Variants in SALL1 observed in about 807,000 individuals in gnomAD.
SALL1 encodes sal-like protein 1.
A neutral mutation model predicts 73.1 loss-of-function variants in SALL1; 10 were observed. The ratio of observed to expected loss-of-function variants is 0.14; its 90% CI spans 0.08 to 0.23. The LOEUF is 0.23. Ranked by LOEUF, SALL1 falls within the 10% of genes least tolerant of loss-of-function variation. The probability of loss-of-function intolerance (pLI) is 1.00; values close to 1 mark genes in which losing one functional copy is unlikely to be tolerated. For missense variants in SALL1, 1,520 were observed against 1,697.3 expected (o/e 0.90, Z 1.84); for synonymous variants, 688 against 689.8 (o/e 1.00, Z 0.04).
At position 51,139,210 on chromosome 16, in the gene SALL1, G is replaced by A; in HGVS notation, c.3012C>T (p.Asp1004=). ...GACAAGCAAATGTTTTGCCACAAAT[G>A]TCACAAGCAGTGTTTTTAAATTTAC... ...DRGKFKNTAC[D]ICGKTFACQS... The change falls in exon 2 of 3, where the codon GAC becomes GAT. Residue 1004 remains aspartate (D), a synonymous_variant. Transcript: ENST00000251020. The A allele has an allele frequency of 6.2e-7, 1 of 1,614,218 alleles. No individual in the cohort carries two copies. The highest frequency in any genetic ancestry group is 2.2e-5 in the East Asian group (1 of 44,888).
chr16:51,138,983 G>A lies in SALL1; in HGVS notation c.3239C>T (p.Ser1080Leu), dbSNP rs144225643. The A allele has an allele frequency of 1.5e-5, 24 of 1,614,030 alleles. No homozygotes were observed. The East Asian group carries it at 2.9e-4, about 19-fold the overall frequency. ...CTCTGTCTTGATGAGAGATGACAAC[G>A]AGTTGGCGGGAATCACCGCTGAGTT... The part of the protein sequence containing the change: ...NQNSAVIPAN[S>L]LSSLIKTEVN... The change falls in exon 2 of 3, where the codon TCG (serine) becomes TTG (leucine). Residue 1080 changes from serine to leucine, a missense_variant. Ser to Leu is a moderately radical substitution (Grantham distance 145). Around this residue, in one of 7 missense-constraint regions of SALL1, gnomAD observed 318 missense variants for 357.1 expected, o/e 0.89. Coordinates refer to ENST00000251020, the MANE Select transcript of SALL1 (RefSeq NM_002968.3).
chr16:51,150,751 C>T (rs1037371010), intron 1 of SALL1: 11 of 272,908 alleles, frequency 4.0e-5, no homozygotes, highest in Non-Finnish European at 5.1e-5. Context: ...GCCGGGTGCC[C>T]TGGGGCCGGC....
In SALL1 at chr16:51,136,114, TG is replaced by T. The variant is rs1441842098; in HGVS notation, c.*997del. 3.9e-5 allele frequency: 6 copies of T among 152,660 alleles called. No individual in the cohort carries two copies. Among genetic ancestry groups the T allele is most frequent in the African/African-American group, 1.4e-4 (6 of 41,456 alleles). The allele number at this position is 152,660 out of a possible 1,614,324, so 9.5% of individuals were successfully genotyped here. Reference sequence around the variant, plus strand: ...CCTTTCAACTTTCCAAGAAAGTGCATGTAACAGTCCAATTTTTTTCTTCCAT... The same window carrying T: ...CCTTTCAACTTTCCAAGAAAGTGCATTAACAGTCCAATTTTTTTCTTCCAT... On this transcript the variant is annotated 3_prime_UTR_variant, in exon 3 of 3. Coordinates refer to ENST00000251020, the MANE Select transcript of SALL1 (RefSeq NM_002968.3).
chr16:51,142,838 T>C (rs1962464297), intron 1 of SALL1, among the ~76,000 whole-genome samples: 1 of 152,190 alleles, frequency 6.6e-6, no homozygotes, highest in Non-Finnish European at 1.5e-5. Context: ...TCCTAATCCA[T>C]TACAAGGCTT....
At position 51,140,187 on chromosome 16, in the gene SALL1, G is replaced by T; in HGVS notation, c.2035C>A (p.Leu679Ile). ...TCTGATGCCTGAGCTGAGTCCAGGAGTCCCCCAAAAGGAAACTTGGCCTTG... is the reference window on the plus strand; with the variant it reads ...TCTGATGCCTGAGCTGAGTCCAGGATTCCCCCAAAAGGAAACTTGGCCTTG... ...QFKAKFPFGG[L>I]LDSAQASETS... Residue 679 changes from leucine (L) to isoleucine (I), a missense_variant, in exon 2 of 3, where the codon CTC (leucine) becomes ATC (isoleucine). Leu to Ile is a conservative substitution (Grantham distance 5). Transcript: ENST00000251020. The surrounding 1 kb of genome is among the most constrained non-coding windows in gnomAD (Gnocchi z 5.7). The T allele has an allele frequency of 6.2e-7, 1 of 1,614,188 alleles. No individual in the cohort carries two copies. Among genetic ancestry groups the T allele is most frequent in the Non-Finnish European group, 8.5e-7 (1 of 1,180,038 alleles).
Position 51,141,287 on chromosome 16 carries a change from C to A in SALL1, c.935G>T (p.Gly312Val). 6.2e-7 allele frequency: 1 copy of A among 1,614,096 alleles called. No homozygotes were observed. The change falls in exon 2 of 3, where the codon GGT becomes GTT. Residue 312 changes from glycine to valine, a missense_variant. Around this residue, in one of 7 missense-constraint regions of SALL1, gnomAD observed 540 missense variants for 567.5 expected, o/e 0.95. Coordinates refer to ENST00000251020, the MANE Select transcript of SALL1 (RefSeq NM_002968.3). This position sits in a 1 kb window ranked among gnomAD's most constrained non-coding sequence, Gnocchi z 5.4. ...SLASQSASIS[G>V]VKQLPPIQLP... is the part of the protein sequence containing the mutation. The stretch of plus-strand genomic sequence containing the variant: ...CTGGATTGGGGGTAGCTGTTTCACA[C>A]CACTAATGCTGGCAGATTGGCTGGC...
At position 51,151,246 on chromosome 16, in the gene SALL1, G is replaced by A; in HGVS notation, c.-5C>T. 6.3e-7 allele frequency: 1 copy of A among 1,594,672 alleles called. No homozygotes were observed. On this transcript the variant is annotated 5_prime_UTR_variant, in exon 1 of 3. Coordinates refer to ENST00000251020, the MANE Select transcript of SALL1 (RefSeq NM_002968.3). The stretch of plus-strand genomic sequence containing the variant: ...CGCTTGCTTCCTCCGCGACATGCTG[G>A]CTCAAACATCAGCTGGGGCAGAATA...
Position 51,141,665 on chromosome 16 carries a change from C to T in SALL1, c.557G>A (p.Gly186Asp). Residue 186 changes from glycine (G) to aspartate (D), a missense_variant, in exon 2 of 3, where the codon GGC becomes GAC. By Grantham distance (94) the Gly-to-Asp change is moderately conservative (BLOSUM62 -1). This residue lies in a region of SALL1 where 540 missense variants were observed against 567.5 expected (regional missense o/e 0.95). Transcript: ENST00000251020. The surrounding 1 kb of genome is among the most constrained non-coding windows in gnomAD (Gnocchi z 5.4). ...LPQLGDLTTLGNFSVINSNVI... is the reference protein window; with the variant it reads ...LPQLGDLTTLDNFSVINSNVI... ...GTTGCTGTTGATTACGGAGAAGTTGCCCAGTGTTGTCAGGTCCCCGAGTTG... is the reference window on the plus strand; with the variant it reads ...GTTGCTGTTGATTACGGAGAAGTTGTCCAGTGTTGTCAGGTCCCCGAGTTG... 3 of 1,613,508 alleles carry T rather than the reference C, an allele frequency of 1.9e-6. No individual in the cohort carries two copies. Among genetic ancestry groups the T allele is most frequent in the Admixed American group, 1.7e-5 (1 of 60,018 alleles).
intron 1 of SALL1, chr16:51,143,549 C>T (rs1962475085): frequency 6.3e-6 from 1 of 159,996 alleles, no homozygotes. Flanking sequence ...AAAGTAATTG[C>T]AGATATGAAT....
Position 51,142,057 on chromosome 16 carries a change from T to C in SALL1, c.165A>G (p.Leu55=). 1 of 1,614,102 alleles carries C rather than the reference T, an allele frequency of 6.2e-7. No homozygotes were observed. Among genetic ancestry groups the C allele is most frequent in the Non-Finnish European group, 8.5e-7 (1 of 1,180,022 alleles). The change falls in exon 2 of 3, where the codon TTA becomes TTG. Residue 55 remains leucine (L), a synonymous_variant. Coordinates refer to ENST00000251020, the MANE Select transcript of SALL1 (RefSeq NM_002968.3). ...CGRCCAEFFE[L]SDLLLHKKNC... is the part of the protein sequence containing the mutation. ...TCTTCTTGTGGAGCAGAAGATCTGA[T>C]AATTCAAAGAACTCGGCACAGCACC... is the stretch of plus-strand genomic sequence containing the variant.
At position 51,141,490 on chromosome 16, in the gene SALL1, C is replaced by A; in HGVS notation, c.732G>T (p.Leu244=). The change falls in exon 2 of 3, where the codon CTG becomes CTT. Residue 244 remains leucine (L), a synonymous_variant. Transcript: ENST00000251020. The surrounding 1 kb of genome is among the most constrained non-coding windows in gnomAD (Gnocchi z 5.4). ...LALQQQQIHQ[L]QLIEQIRHQI... Reference sequence around the variant, plus strand: ...GGTGACGAATCTGTTCGATCAATTGCAGCTGGTGGATCTGCTGCTGCTGCA... The same window carrying A: ...GGTGACGAATCTGTTCGATCAATTGAAGCTGGTGGATCTGCTGCTGCTGCA... 3.7e-6 allele frequency: 6 copies of A among 1,614,162 alleles called. No homozygotes were observed. The highest frequency in any genetic ancestry group is 5.1e-6 in the Non-Finnish European group (6 of 1,180,046).
chr16:51,152,283 G>A, upstream of SALL1: 1 of 152,588 alleles, frequency 6.6e-6, no homozygotes, highest in Non-Finnish European at 1.5e-5. Context: ...TTGCTCCCTC[G>A]CTCCCTTTCT....
rs1962595790 is a variant in SALL1 at position 51,151,144 on chromosome 16, CGGCGCG to C, written c.76+16_76+21del. The C allele has an allele frequency of 6.4e-7, 1 of 1,570,218 alleles. No individual in the cohort carries two copies. The highest frequency in any genetic ancestry group is 8.6e-7 in the Non-Finnish European group (1 of 1,159,950). On this transcript the variant is annotated intron_variant, in intron 1 of 2. Coordinates refer to ENST00000251020, the MANE Select transcript of SALL1 (RefSeq NM_002968.3). ...GTGTGAGTGCGTGTGTGTGTGTCCA[CGGCGCG>C]GGCCGGAGCACTCACCATCTCGCCG...
chr16:51,142,202 A>G (rs147015877), intron 1 of SALL1, 57 bp from the exon 2 acceptor site: 16,946 of 1,326,344 alleles, frequency 0.013, 162 homozygotes, highest in Non-Finnish European at 0.016. Context: ...ACAGTCACCT[A>G]TGACTTAAAA....
rs1419647125 is a variant in SALL1, at chr16:51,139,407, G to T, written c.2815C>A (p.His939Asn). 2.0e-5 allele frequency: 32 copies of T among 1,614,078 alleles called. No individual in the cohort carries two copies. The highest frequency in any genetic ancestry group is 2.7e-5 in the Non-Finnish European group (32 of 1,180,040). ...TTCTCCTCAATGCTGGGTGACTTGT[G>T]GAACTCCTGCGTGCTGTTGGACGGG... ...LSPSNSTQEF[H>N]KSPSIEEKPQ... Residue 939 changes from histidine to asparagine, a missense_variant, in exon 2 of 3, where the codon CAC becomes AAC. Physicochemically the swap from His to Asn is moderately conservative, Grantham distance 68. Coordinates refer to ENST00000251020, the MANE Select transcript of SALL1 (RefSeq NM_002968.3).
chr16:51,144,365 A>G (rs1962486063), intron 1 of SALL1, among the ~76,000 whole-genome samples: 1 of 152,190 alleles, frequency 6.6e-6, no homozygotes, highest in African/African-American at 2.4e-5. Context: ...TTATGTCAGC[A>G]TGTTCTATTA....
At position 51,137,476 on chromosome 16, in the gene SALL1, G is replaced by A. The variant is rs765572380; in HGVS notation, c.3611C>T (p.Thr1204Ile). Residue 1204 changes from threonine (T) to isoleucine (I), a missense_variant, in exon 3 of 3, where the codon ACA (threonine) becomes ATA (isoleucine). Thr to Ile is a moderately conservative substitution (Grantham distance 89). Around this residue, in one of 7 missense-constraint regions of SALL1, gnomAD observed 318 missense variants for 357.1 expected, o/e 0.89. Coordinates refer to ENST00000251020, the MANE Select transcript of SALL1 (RefSeq NM_002968.3). Reference sequence around the variant, plus strand: ...CTTGACGGGATTGCCTCCTAGAAATGTCATGGGGCCATCCACAGAGAGCCG... The same window carrying A: ...CTTGACGGGATTGCCTCCTAGAAATATCATGGGGCCATCCACAGAGAGCCG... ...GRRLSVDGPM[T>I]FLGGNPVKFP... 6.2e-7 allele frequency: 1 copy of A among 1,614,038 alleles called. No homozygotes were observed. Among genetic ancestry groups the A allele is most frequent in the Admixed American group, 1.7e-5 (1 of 60,016 alleles).
At position 51,139,710 on chromosome 16, in the gene SALL1, G is replaced by C; in HGVS notation, c.2512C>G (p.Pro838Ala). The change falls in exon 2 of 3, where the codon CCT becomes GCT. Residue 838 changes from proline to alanine, a missense_variant. By Grantham distance (27) the Pro-to-Ala change is conservative (BLOSUM62 -1). Transcript: ENST00000251020. ...NMEDCPEGSI[P>A]DTPKSADASQ... ...GCGTCTGCAGACTTAGGTGTATCAG[G>C]GATGCTGCCCTCAGGACAGTCTTCC... 6.2e-7 allele frequency: 1 copy of C among 1,614,216 alleles called. No homozygotes were observed. The highest frequency in any genetic ancestry group is 1.1e-5 in the South Asian group (1 of 91,090).
chr16:51,140,518 G>T lies in SALL1; in HGVS notation c.1704C>A (p.Pro568=). The T allele has an allele frequency of 6.2e-7, 1 of 1,614,026 alleles. No homozygotes were observed. The highest frequency in any genetic ancestry group is 1.1e-5 in the South Asian group (1 of 91,064). The part of the protein sequence containing the change: ...PLPPTLPSLI[P]FIKTEEPAPI... ...GGGCTGGCTCTTCCGTCTTGATGAA[G>T]GGTATGAGGCTTGGGAGGGTTGGGG... The change falls in exon 2 of 3, where the codon CCC becomes CCA. Residue 568 remains proline, a synonymous_variant. Transcript: ENST00000251020. The surrounding 1 kb of genome is among the most constrained non-coding windows in gnomAD (Gnocchi z 5.7).
Sources: gnomAD v4.1 joint callset for allele counts (sites outside exome capture counted in the v4.1 genomes callset) on GRCh38, gnomAD v4.1.1 for gene constraint, gnomAD v4.1.1 regional missense constraint, Gnocchi (gnomAD v3.1) non-coding constraint, MANE v1.5 for transcripts, NCBI Gene and HGNC (gene_info 2026-07-23, HGNC 2026-07-21) for gene names.